The following DCAF8 variants were observed in gnomAD, a reference collection of about 807,000 sequenced individuals.
DCAF8 encodes DDB1 and CUL4 associated factor 8.
In DCAF8, 20 loss-of-function variants were observed where a neutral mutation model predicts 68.0. The observed-to-expected ratio is 0.29, with a 90% confidence interval of 0.21 to 0.43. The LOEUF is 0.43. Among genes scored for constraint, DCAF8 ranks in the 20% least tolerant of loss-of-function variants. The pLI is 1.00. For missense variants in DCAF8, 460 were observed against 771.0 expected (o/e 0.60, Z 4.78); for synonymous variants, 230 against 276.9 (o/e 0.83, Z 1.68).
intron 12 of DCAF8, 95 bp from the exon 13 acceptor site, chr1:160,218,535 C>T: frequency 1.0e-6 from 1 of 989,470 alleles, no homozygotes; most frequent in Non-Finnish European, 1.6e-6. Flanking sequence ...TAAAAGCTTC[C>T]CTTAAGTTGA....
At chr1:160,224,750 G>A (rs1454844770) in intron 9 of DCAF8, among the ~76,000 whole-genome samples, 1 of 152,236 alleles carries the variant, frequency 6.6e-6, no homozygotes, top group Non-Finnish European at 1.5e-5. Context: ...GCAGCAGAAT[G>A]CTCAAAAAGG....
At position 160,217,607 on chromosome 1, in the gene DCAF8, C is replaced by T. The variant is rs552339632; in HGVS notation, c.1779G>A (p.Gln593=). The T allele has an allele frequency of 1.2e-5, 20 of 1,613,644 alleles. No homozygotes were observed. In the African/African-American group the frequency reaches 2.3e-4, roughly 18 times the overall value. Residue 593 remains glutamine, a synonymous_variant, in exon 14 of 14, where the codon CAG becomes CAA. Coordinates refer to ENST00000368074, the MANE Select transcript of DCAF8 (RefSeq NM_015726.4). ...SDEEEGPDRV[Q]CMPS is the part of the protein sequence containing the mutation. ...GTATGAGGCCTCAAGATGGCATGCA[C>T]TGCACCCGGTCAGGGCCCTCCTCCT...
intron 7 of DCAF8, among the ~76,000 whole-genome samples, chr1:160,227,270 A>C (rs1655508855): frequency 1.3e-5 from 2 of 152,342 alleles, no homozygotes; most frequent in Admixed American, 1.3e-4. Flanking sequence ...GGGAAGGAGT[A>C]ATAATGTCAA....
At position 160,253,647 on chromosome 1, in the gene DCAF8, CAAAAAAAAAAAA is replaced by C. The variant is rs747211563; in HGVS notation, c.-27+7626_-27+7637del. Among the ~76,000 whole-genome samples, 67 of 26,950 alleles carry C rather than the reference CAAAAAAAAAAAA, an allele frequency of 2.5e-3. No individual in the cohort carries two copies. In the East Asian group the frequency reaches 0.028, roughly 11 times the overall value. 17.7% of individuals were successfully genotyped at this position (26,950 alleles called of 152,430 possible). A position where few individuals can be genotyped will look rare whatever the true frequency, so the allele number is the denominator to read the frequency against. ...TGTGCGACAGGGTGAGACTCCATCT[CAAAAAAAAAAAA>C]AAAAAAAAAAAAAAAAAATAGCAGG... On this transcript the variant is annotated intron_variant, in intron 2 of 13. Transcript: ENST00000368074.
intron 2 of DCAF8, among the ~76,000 whole-genome samples, chr1:160,244,263 T>C (rs1356054689): frequency 6.6e-6 from 1 of 152,196 alleles, no homozygotes; most frequent in Non-Finnish European, 1.5e-5. Flanking sequence ...TCAAGTGCCA[T>C]CTCTTTACTT....
rs1439570104 is a variant in DCAF8 at position 160,262,534 on chromosome 1, T to A, written c.-186A>T. 2 of 399,008 alleles carry A rather than the reference T, an allele frequency of 5.0e-6. No homozygotes were observed. The highest frequency in any genetic ancestry group is 4.4e-6 in the Non-Finnish European group (1 of 226,114). The allele number at this position is 399,008 out of a possible 1,614,324, so 24.7% of individuals were successfully genotyped here. On this transcript the variant is annotated 5_prime_UTR_variant, in exon 1 of 14. Coordinates refer to ENST00000368074, the MANE Select transcript of DCAF8 (RefSeq NM_015726.4). ...CGCTTTCCGGCCCCGTTTGCGACGA[T>A]GTGCTCGAGAAGACTGAGGGAAGAG...
At chr1:160,236,402 G>A (rs1655893634) in intron 6 of DCAF8, among the ~76,000 whole-genome samples, 1 of 151,726 alleles carries the variant, frequency 6.6e-6, no homozygotes, top group Non-Finnish European at 1.5e-5. Flanking sequence ...GTGTACATGT[G>A]TATATGTGTG....
chr1:160,231,555 T>C, intron 6 of DCAF8, 148 bp from the exon 7 acceptor site: 2 of 638,938 alleles, frequency 3.1e-6, no homozygotes, highest in South Asian at 2.0e-5. Context: ...TCTCTGTTTG[T>C]TTTGTACGTA....
chr1:160,217,582 G>T lies in DCAF8; in HGVS notation c.*10C>A. 6.2e-7 allele frequency: 1 copy of T among 1,604,530 alleles called. No individual in the cohort carries two copies. Among genetic ancestry groups the T allele is most frequent in the Non-Finnish European group, 8.5e-7 (1 of 1,172,750 alleles). On this transcript the variant is annotated 3_prime_UTR_variant, in exon 14 of 14. Coordinates refer to ENST00000368074, the MANE Select transcript of DCAF8 (RefSeq NM_015726.4). ...GGCAGCCCCAGCCTGCCCCACCTAG[G>T]TATGAGGCCTCAAGATGGCATGCAC...
In DCAF8 at chr1:160,216,717, A is replaced by G. The variant is rs896942833; in HGVS notation, c.*875T>C. ...ATATATAGGTATTTAAACTTTGACA[A>G]TAATTTTACCTTGATACATCCAAGT... On this transcript the variant is annotated 3_prime_UTR_variant, in exon 14 of 14. Transcript: ENST00000368074. The G allele has an allele frequency of 2.0e-5, 3 of 152,656 alleles. No individual in the cohort carries two copies. The highest frequency in any genetic ancestry group is 7.2e-5 in the African/African-American group (3 of 41,442). The allele number at this position is 152,656 out of a possible 1,614,324, so 9.5% of individuals were successfully genotyped here. A position where few individuals can be genotyped will look rare whatever the true frequency, so the allele number is the denominator to read the frequency against.
intron 4 of DCAF8, chr1:160,239,046 AGAG>A (rs1655994948): frequency 5.4e-6 from 3 of 557,610 alleles, no homozygotes; most frequent in African/African-American, 2.0e-5. Flanking sequence ...GAAAAGGAAT[AGAG>A]GAGGAAAAAT....
chr1:160,235,087 G>A (rs1655823267), intron 6 of DCAF8, among the ~76,000 whole-genome samples: 1 of 151,576 alleles, frequency 6.6e-6, no homozygotes, highest in Non-Finnish European at 1.5e-5. Context: ...GTAAATCATT[G>A]CCATCCCTTA....
Position 160,240,293 on chromosome 1 carries a change from C to A in DCAF8, c.127G>T (p.Ala43Ser). 1 of 1,614,036 alleles carries A rather than the reference C, an allele frequency of 6.2e-7. No individual in the cohort carries two copies. Reference sequence around the variant, plus strand: ...GTCAAGCTCAAACTCAGGTCTGAGGCCTCCACTTCAATGCCTGAGGATGTC... The same window carrying A: ...GTCAAGCTCAAACTCAGGTCTGAGGACTCCACTTCAATGCCTGAGGATGTC... ...RETSSGIEVE[A>S]SDLSLSLTGD... The change falls in exon 4 of 14, where the codon GCC becomes TCC. Residue 43 changes from alanine to serine, a missense_variant. Ala to Ser is a moderately conservative substitution (Grantham distance 99). Transcript: ENST00000368074.
intron 13 of DCAF8, 95 bp from the exon 14 acceptor site, chr1:160,217,803 A>AG: frequency 1.1e-6 from 1 of 933,266 alleles, no homozygotes; most frequent in Non-Finnish European, 1.7e-6. Context: ...TAGGCCAGAG[A>AG]TCAGCAGAAT....
intron 2 of DCAF8, among the ~76,000 whole-genome samples, chr1:160,247,008 T>C (rs979220683): frequency 2.0e-5 from 3 of 152,188 alleles, no homozygotes; most frequent in African/African-American, 7.2e-5. Context: ...GAATACAGTC[T>C]TAACTTTATA....
At position 160,231,034 on chromosome 1, in the gene DCAF8, G is replaced by A. The variant is rs553948350; in HGVS notation, c.1070+263C>T. On this transcript the variant is annotated intron_variant, in intron 7 of 13. Coordinates refer to ENST00000368074, the MANE Select transcript of DCAF8 (RefSeq NM_015726.4). ...CTCCCAAAGTGTCGAGATTACAGGT[G>A]TGAGCCACTACACCTGACCATCATC... Among the ~76,000 whole-genome samples the A allele has an allele frequency of 2.6e-5, 4 of 152,142 alleles. No individual in the cohort carries two copies. The East Asian group carries it at 7.7e-4, about 29-fold the overall frequency.
rs1365000951 is a variant in DCAF8 at position 160,217,291 on chromosome 1, C to A, written c.*301G>T. On this transcript the variant is annotated 3_prime_UTR_variant, in exon 14 of 14. Transcript: ENST00000368074. ...AAGAAAAAGAAACCCCATTCCCTAT[C>A]CCAAACCAGTTAACAAAATAGGCTT... is the stretch of plus-strand genomic sequence containing the variant. The A allele has an allele frequency of 1.3e-5, 3 of 239,858 alleles. No individual in the cohort carries two copies. Among genetic ancestry groups the A allele is most frequent in the Admixed American group, 5.6e-5 (1 of 17,938 alleles). The allele number at this position is 239,858 out of a possible 1,614,324, so 14.9% of individuals were successfully genotyped here. A position where few individuals can be genotyped will look rare whatever the true frequency, so the allele number is the denominator to read the frequency against.
At chr1:160,235,127 G>C (rs1474349582) in intron 6 of DCAF8, among the ~76,000 whole-genome samples, 7 of 151,580 alleles carry the variant, frequency 4.6e-5, no homozygotes, top group African/African-American at 7.3e-5. Flanking sequence ...TATAAGATCT[G>C]TTATAATAAT....
At chr1:160,226,672 T>TCC (rs1420450448) in intron 7 of DCAF8, among the ~76,000 whole-genome samples, 1 of 152,224 alleles carries the variant, frequency 6.6e-6, no homozygotes, top group African/African-American at 2.4e-5. Flanking sequence ...CTGCTGACTG[T>TCC]CCTTTCCTAC....
Sources: allele counts gnomAD v4.1 joint callset (sites outside exome capture counted in the v4.1 genomes callset), GRCh38; gene constraint gnomAD v4.1.1; transcripts MANE v1.5; gene names NCBI Gene and HGNC (gene_info 2026-07-23, HGNC 2026-07-21).